ARMC8: variants seen among roughly 807,000 people sequenced by gnomAD.
ARMC8 encodes armadillo repeat-containing protein 8.
ARMC8 carries 20 observed loss-of-function variants against 99.3 expected under a neutral mutation model. That is an observed-to-expected ratio of 0.20 (90% CI 0.14 to 0.29). ARMC8 has a LOEUF of 0.29. Among genes scored for constraint, ARMC8 ranks in the 10% least tolerant of loss-of-function variants. The pLI is 1.00. For synonymous variants in ARMC8, 263 were observed against 278.3 expected (o/e 0.95, Z 0.55); for missense variants, 569 against 809.5 (o/e 0.70, Z 3.60).
chr3:138,187,667 C>T (rs2043138616), intron 1 of ARMC8, 68 bp downstream of exon 1: 1 of 1,500,500 alleles, frequency 6.7e-7, no homozygotes, highest in Non-Finnish European at 9.0e-7. Flanking sequence ...ACCATTCCCC[C>T]AAGCGTGGTG....
chr3:138,265,635 G>C (rs1435019542), intron 14 of ARMC8, among the ~76,000 whole-genome samples: 1 of 152,196 alleles, frequency 6.6e-6, no homozygotes, highest in Admixed American at 6.5e-5. Context: ...AGGAAAACAG[G>C]AGGATTTTCT....
At position 138,271,798 on chromosome 3, in the gene ARMC8, C is replaced by CTTTTT. The variant is rs776320900; in HGVS notation, c.1480-1158_1480-1154dup. 4.9e-3 allele frequency among the ~76,000 whole-genome samples: 663 copies of CTTTTT among 136,132 alleles called. 17 individuals carry two copies. Among genetic ancestry groups the CTTTTT allele is most frequent in the African/African-American group, 0.018 (639 of 35,288 alleles). 89.3% of individuals were successfully genotyped at this position (136,132 alleles called of 152,430 possible). ...AGTTCACAAGATTTTTTTTTTCTTT[C>CTTTTT]TTTTTTTTTTTTTTTGATACAGAGT... is the stretch of plus-strand genomic sequence containing the variant. On this transcript the variant is annotated intron_variant, in intron 16 of 21. Coordinates refer to ENST00000469044, the MANE Select transcript of ARMC8 (RefSeq NM_001363941.2).
At chr3:138,269,790 A>G (rs2048605954) in intron 15 of ARMC8, among the ~76,000 whole-genome samples, 1 of 150,984 alleles carries the variant, frequency 6.6e-6, no homozygotes, top group Non-Finnish European at 1.5e-5. Context: ...ATAAAAGGAA[A>G]TGACAGAGTG....
chr3:138,191,438 C>T (rs1341756561), intron 1 of ARMC8, among the ~76,000 whole-genome samples: 1 of 152,148 alleles, frequency 6.6e-6, no homozygotes, highest in Admixed American at 6.5e-5. Context: ...TCCCTGTGTA[C>T]ACTTCACCCA....
intron 17 of ARMC8, 59 bp from the exon 18 acceptor site, chr3:138,274,390 T>G (rs1181021949): frequency 8.8e-7 from 1 of 1,139,990 alleles, no homozygotes; most frequent in Non-Finnish European, 1.3e-6. Context: ...TTAGAAGCCT[T>G]GTATTCGTCC....
chr3:138,192,384 TCTC>T (rs1360417915), intron 1 of ARMC8, among the ~76,000 whole-genome samples: 2 of 151,516 alleles, frequency 1.3e-5, no homozygotes, highest in African/African-American at 2.4e-5. Flanking sequence ...TTCACACCAT[TCTC>T]CTGCTTCAGC....
At chr3:138,230,684 G>C (rs2108120716) in intron 6 of ARMC8, among the ~76,000 whole-genome samples, 1 of 152,232 alleles carries the variant, frequency 6.6e-6, no homozygotes, top group African/African-American at 2.4e-5. Context: ...TTCTATTACT[G>C]AGTGTTGAAC....
rs2050232291 is a variant in ARMC8 at position 138,284,634 on chromosome 3, C to T, written c.1821+108C>T. On this transcript the variant is annotated intron_variant, in intron 19 of 21. Coordinates refer to ENST00000469044, the MANE Select transcript of ARMC8 (RefSeq NM_001363941.2). ...TTAAAAAGAGGAAAAGAATAGATTA[C>T]TCTGTGACTCCTCAGATTCAAAGAA... 8.9e-6 allele frequency: 7 copies of T among 786,052 alleles called. 1 individual carries two copies. In the Admixed American group the frequency reaches 1.3e-4, roughly 15 times the overall value. 48.7% of individuals were successfully genotyped at this position (786,052 alleles called of 1,614,324 possible).
Position 138,288,531 on chromosome 3 carries a change from C to T in ARMC8, c.1822-517C>T, listed in dbSNP as rs367693231. Among the ~76,000 whole-genome samples the T allele has an allele frequency of 6.6e-5, 10 of 152,212 alleles. No individual in the cohort carries two copies. The East Asian group carries it at 1.9e-3, about 29-fold the overall frequency. On this transcript the variant is annotated intron_variant, in intron 19 of 21. Transcript: ENST00000469044. ...GCAAGGCTTGTACTCCTCAATTTGC[C>T]AGATTCTCCACTGTCCCTTGTTATC...
At chr3:138,268,210 T>C (rs1422356963) in intron 15 of ARMC8, among the ~76,000 whole-genome samples, 1 of 152,098 alleles carries the variant, frequency 6.6e-6, no homozygotes, top group Non-Finnish European at 1.5e-5. Context: ...GCCACTGCAC[T>C]GCAGCCTGGG....
At position 138,264,107 on chromosome 3, in the gene ARMC8, G is replaced by A. The variant is rs747521703; in HGVS notation, c.1218-24G>A. The A allele has an allele frequency of 6.2e-4, 985 of 1,598,902 alleles. 4 individuals are homozygous for A. The highest frequency in any genetic ancestry group is 7.9e-4 in the Non-Finnish European group (926 of 1,169,646). ...AGTAAAAGTTTTGATTTCTTGTGAA[G>A]CTAATTTTGATTATTCTTTGTAGAT... On this transcript the variant is annotated intron_variant, in intron 13 of 21. Coordinates refer to ENST00000469044, the MANE Select transcript of ARMC8 (RefSeq NM_001363941.2).
chr3:138,191,605 AC>A (rs2043386839), intron 1 of ARMC8, among the ~76,000 whole-genome samples: 1 of 152,144 alleles, frequency 6.6e-6, no homozygotes, highest in Admixed American at 6.5e-5. Context: ...CTATTCCGTC[AC>A]CGCAAAGATC....
intron 21 of ARMC8, among the ~76,000 whole-genome samples, chr3:138,292,506 A>T (rs1366418470): frequency 6.6e-6 from 1 of 152,196 alleles, no homozygotes; most frequent in Non-Finnish European, 1.5e-5. Context: ...TCAGGATTTA[A>T]TCTGAAGATA....
At chr3:138,264,716 C>T (rs952713851) in intron 14 of ARMC8, among the ~76,000 whole-genome samples, 5 of 151,266 alleles carry the variant, frequency 3.3e-5, no homozygotes, top group Admixed American at 6.6e-5. Flanking sequence ...CTGCGCCCAG[C>T]CAGGCCTGAT....
intron 15 of ARMC8, among the ~76,000 whole-genome samples, chr3:138,268,371 GA>G (rs535615831): frequency 1.3e-5 from 2 of 152,210 alleles, no homozygotes; most frequent in South Asian, 4.1e-4. Context: ...ACAGACACCA[GA>G]GCTTCCATCA....
chr3:138,246,650 C>T (rs62280656), intron 12 of ARMC8: 20 of 985,640 alleles, frequency 2.0e-5, no homozygotes, highest in Non-Finnish European at 2.3e-5. Context: ...GACAGATGGA[C>T]CACAATGGGA....
rs143278907 is a variant in ARMC8, at chr3:138,202,746, G to A, written c.46-7071G>A. Among the ~76,000 whole-genome samples, 4 of 152,250 alleles carry A rather than the reference G, an allele frequency of 2.6e-5. No individual in the cohort carries two copies. In the East Asian group the frequency reaches 7.7e-4, roughly 29 times the overall value. On this transcript the variant is annotated intron_variant, in intron 1 of 21. Coordinates refer to ENST00000469044, the MANE Select transcript of ARMC8 (RefSeq NM_001363941.2). ...TTTCTGCTACATGATATCTGAGTAT[G>A]TTAGAAATAAAGAACACTATATTTT... is the stretch of plus-strand genomic sequence containing the variant.
chr3:138,224,309 A>G (rs750309701), intron 5 of ARMC8, among the ~76,000 whole-genome samples: 3 of 152,150 alleles, frequency 2.0e-5, no homozygotes, highest in Non-Finnish European at 4.4e-5. Flanking sequence ...GCCTGGTGCA[A>G]TGGCTCATGC....
rs77866638 is a variant in ARMC8, at chr3:138,258,176, C to G, written c.1135-5563C>G. 2.2e-3 allele frequency among the ~76,000 whole-genome samples: 336 copies of G among 152,244 alleles called. 1 individual carries two copies. The highest frequency in any genetic ancestry group is 7.5e-3 in the African/African-American group (310 of 41,540). ...CTGCCTTGACACCCCCTCAACCCAC[C>G]CACTTTGAATTGTCTGAGAAGTTTG... On this transcript the variant is annotated intron_variant, in intron 12 of 21. Transcript: ENST00000469044.
Sources: gnomAD v4.1 joint callset for allele counts (sites outside exome capture counted in the v4.1 genomes callset) on GRCh38, gnomAD v4.1.1 for gene constraint, MANE v1.5 for transcripts, NCBI Gene and HGNC (gene_info 2026-07-23, HGNC 2026-07-21) for gene names.